The following KIF18B variants were observed in gnomAD, a reference collection of about 807,000 sequenced individuals.
KIF18B encodes the protein kinesin-like protein KIF18B.
Under a neutral mutation model 80.9 loss-of-function variants are expected in KIF18B, and 49 were observed. The observed-to-expected ratio is 0.61, with a 90% confidence interval of 0.48 to 0.77. The LOEUF is 0.77. Among genes scored for constraint, KIF18B ranks in the 30% least tolerant of loss-of-function variants. The probability of loss-of-function intolerance (pLI) is 0.00; values close to 1 mark genes in which losing one functional copy is unlikely to be tolerated. For synonymous variants in KIF18B, 439 were observed against 463.9 expected (o/e 0.95, Z 0.69); for missense variants, 994 against 1,127.7 (o/e 0.88, Z 1.70).
chr17:44,937,141 C>G (rs529760276), intron 1 of KIF18B, among the ~76,000 whole-genome samples: 5 of 151,506 alleles, frequency 3.3e-5, no homozygotes, highest in Non-Finnish European at 7.4e-5. Flanking sequence ...CTTCATTACT[C>G]TTTCTTTTCT....
At chr17:44,936,479 G>T in intron 1 of KIF18B, 121 bp from the exon 2 acceptor site, 1 of 749,186 alleles carries the variant, frequency 1.3e-6, no homozygotes. Flanking sequence ...TATGCCTCAA[G>T]AGAGTAAAAA....
chr17:44,944,804 T>A (rs968705597), intron 1 of KIF18B, among the ~76,000 whole-genome samples: 2 of 152,180 alleles, frequency 1.3e-5, no homozygotes, highest in Admixed American at 1.3e-4. Flanking sequence ...CTTGAGTCAG[T>A]TTTGGCAAGT....
At position 44,936,294 on chromosome 17, in the gene KIF18B, G is replaced by C. The variant is rs754270015; in HGVS notation, c.51C>G (p.Pro17=). The C allele has an allele frequency of 4.3e-6, 7 of 1,609,848 alleles. No homozygotes were observed. The highest frequency in any genetic ancestry group is 5.9e-6 in the Non-Finnish European group (7 of 1,178,924). The part of the protein sequence containing the change: ...TLQVVVRVRP[P]TPRELDSQRR... ...GCTGACTGTCCAGCTCCCGAGGGGT[G>C]GGGGGCCGCACCCGTACCACTACTT... is the stretch of plus-strand genomic sequence containing the variant. The change falls in exon 2 of 16, where the codon CCC becomes CCG. Residue 17 remains proline (P), a synonymous_variant. Transcript: ENST00000593135.
intron 2 of KIF18B, among the ~76,000 whole-genome samples, chr17:44,935,737 C>T (rs2052274265): frequency 1.3e-5 from 2 of 152,192 alleles, no homozygotes; most frequent in African/African-American, 4.8e-5. Context: ...TCCCCACACA[C>T]TGTGGGTGTG....
chr17:44,936,599 TA>T (rs1387226723), intron 1 of KIF18B, among the ~76,000 whole-genome samples: 1 of 35,794 alleles, frequency 2.8e-5, no homozygotes, highest in African/African-American at 1.0e-4. Context: ...TCTCTCTCTC[TA>T]TATATATATA....
rs561736429 is a variant in KIF18B, at chr17:44,926,949, A to G, written c.2366+40T>C. The G allele has an allele frequency of 2.6e-6, 4 of 1,543,800 alleles. No individual in the cohort carries two copies. In the East Asian group the frequency reaches 7.0e-5, roughly 27 times the overall value. ...GGTGTCTACTGCCCTGGTGAGAGCG[A>G]GCTCCTTCTCCCAGACAGCTGACAC... is the stretch of plus-strand genomic sequence containing the variant. On this transcript the variant is annotated intron_variant, in intron 14 of 15. Coordinates refer to ENST00000593135, the MANE Select transcript of KIF18B (RefSeq NM_001265577.2).
In KIF18B at chr17:44,936,290, G is replaced by A; in HGVS notation, c.55C>T (p.Pro19Ser). The change falls in exon 2 of 16, where the codon CCT becomes TCT. Residue 19 changes from proline to serine, a missense_variant. By Grantham distance (74) the Pro-to-Ser change is moderately conservative. Transcript: ENST00000593135. ...QVVVRVRPPT[P>S]RELDSQRRPV... ...CGCCGCTGACTGTCCAGCTCCCGAG[G>A]GGTGGGGGGCCGCACCCGTACCACT... The A allele has an allele frequency of 6.2e-7, 1 of 1,610,684 alleles. No homozygotes were observed. Among genetic ancestry groups the A allele is most frequent in the South Asian group, 1.1e-5 (1 of 90,402 alleles).
chr17:44,938,442 T>C (rs1023597763), intron 1 of KIF18B, among the ~76,000 whole-genome samples: 1 of 152,208 alleles, frequency 6.6e-6, no homozygotes, highest in Non-Finnish European at 1.5e-5. Flanking sequence ...ATAGTGAAGT[T>C]TTTAACACTT....
Position 44,928,098 on chromosome 17 carries a change from CTGGGCTT to C in KIF18B, c.2197_2203del (p.Lys733ValfsTer15). ...GTCCCAGCCAATGCATTCATGGAAA[CTGGGCTT>C]TGAGGGAGGCTCCTCAGAGAGATCA... On this transcript the variant is annotated frameshift_variant, in exon 13 of 16. Coordinates refer to ENST00000593135, the MANE Select transcript of KIF18B (RefSeq NM_001265577.2). LOFTEE classifies it high-confidence loss of function. 2 of 1,569,714 alleles carry C rather than the reference CTGGGCTT, an allele frequency of 1.3e-6. No homozygotes were observed. Among genetic ancestry groups the C allele is most frequent in the Non-Finnish European group, 1.7e-6 (2 of 1,160,054 alleles).
chr17:44,947,453 C>A (rs947860025), intron 1 of KIF18B, among the ~76,000 whole-genome samples, 175 bp downstream of exon 1: 22 of 152,224 alleles, frequency 1.4e-4, no homozygotes, highest in African/African-American at 5.3e-4. Context: ...TTAAAGGGGT[C>A]CATGCAGACA....
Position 44,928,726 on chromosome 17 carries a change from C to T in KIF18B, c.1723+93G>A, listed in dbSNP as rs746703063. On this transcript the variant is annotated intron_variant, in intron 12 of 15. Transcript: ENST00000593135. ...CCCAGCCTCCTACAGCAGCAAAACC[C>T]AGCAACTGAGGCCCCTGGACACCCC... 5.6e-6 allele frequency: 8 copies of T among 1,434,106 alleles called. No homozygotes were observed. The Admixed American group carries it at 1.8e-4, about 33-fold the overall frequency. The allele number at this position is 1,434,106 out of a possible 1,614,324, so 88.8% of individuals were successfully genotyped here. A position where few individuals can be genotyped will look rare whatever the true frequency, so the allele number is the denominator to read the frequency against.
chr17:44,926,439 C>A lies in KIF18B; in HGVS notation c.2427G>T (p.Arg809Ser). 6.3e-7 allele frequency: 1 copy of A among 1,583,018 alleles called. No homozygotes were observed. The highest frequency in any genetic ancestry group is 8.6e-7 in the Non-Finnish European group (1 of 1,164,832). Residue 809 changes from arginine (R) to serine (S), a missense_variant, in exon 15 of 16, where the codon AGG becomes AGT. Transcript: ENST00000593135. ...CTGGGAGTACAAGGGGCCCAGCTGG[C>A]CTCTTCAAAGTGCTGCTGGGGAGGC... The part of the protein sequence containing the change: ...IARLPSSTLK[R>S]PAGPLVLPEL...
In KIF18B at chr17:44,932,206, G is replaced by C. The variant is rs1391000543; in HGVS notation, c.1239C>G (p.His413Gln). The C allele has an allele frequency of 2.5e-6, 4 of 1,579,388 alleles. No individual in the cohort carries two copies. In the African/African-American group the frequency reaches 4.1e-5, roughly 16 times the overall value. Residue 413 changes from histidine (H) to glutamine (Q), a missense_variant and splice_region_variant, in exon 10 of 16, where the codon CAC (histidine) becomes CAG (glutamine). Physicochemically the swap from His to Gln is conservative, Grantham distance 24 (BLOSUM62 0). Transcript: ENST00000593135. ...GSPKSGPPPE[H>Q]QPCTPELPAG... ...CAGGGAGCTCTGGGGTGCAGGGCTG[G>C]CTGGGAGGGTGGGGTGGCAAGGGGG... is the stretch of plus-strand genomic sequence containing the variant.
chr17:44,933,847 G>T, intron 7 of KIF18B, 76 bp downstream of exon 7: 1 of 1,379,416 alleles, frequency 7.2e-7, no homozygotes, highest in Non-Finnish European at 9.8e-7. Context: ...ATCTATTGGA[G>T]CTGCCTGGGT....
At chr17:44,942,822 G>C (rs1401994114) in intron 1 of KIF18B, among the ~76,000 whole-genome samples, 1 of 152,242 alleles carries the variant, frequency 6.6e-6, no homozygotes, top group Non-Finnish European at 1.5e-5. Context: ...TATGCTAAGT[G>C]CTTTACAAAT....
Position 44,931,645 on chromosome 17 carries a change from C to G in KIF18B, c.1474G>C (p.Gly492Arg). The G allele has an allele frequency of 6.2e-7, 1 of 1,613,972 alleles. No homozygotes were observed. The highest frequency in any genetic ancestry group is 8.5e-7 in the Non-Finnish European group (1 of 1,179,894). ...RLTLQPKPVV[G>R]HFSARELDGD... ...TCCAGTTCCCGTGCTGAGAAGTGGC[C>G]CACGACTGGCTTGGGCTGCAGGGTC... The change falls in exon 11 of 16, where the codon GGC (glycine) becomes CGC (arginine). Residue 492 changes from glycine (G) to arginine (R), a missense_variant. Gly to Arg is a moderately radical substitution (Grantham distance 125). Coordinates refer to ENST00000593135, the MANE Select transcript of KIF18B (RefSeq NM_001265577.2).
At position 44,928,133 on chromosome 17, in the gene KIF18B, G is replaced by A; in HGVS notation, c.2169C>T (p.Thr723=). Residue 723 remains threonine (T), a synonymous_variant, in exon 13 of 16, where the codon ACC becomes ACT. Transcript: ENST00000593135. ...LALPTRDLNA[T]FDLSEEPPSK... ...AGGGAGGCTCCTCAGAGAGATCAAA[G>A]GTGGCATTGAGGTCTCGAGTGGGCA... 3.7e-6 allele frequency: 6 copies of A among 1,605,210 alleles called. No individual in the cohort carries two copies. In the South Asian group the frequency reaches 4.4e-5, roughly 12 times the overall value.
intron 11 of KIF18B, among the ~76,000 whole-genome samples, chr17:44,929,234 CGACCAGGATGGCCACG>C (rs2052097973): frequency 1.3e-5 from 2 of 152,236 alleles, no homozygotes; most frequent in South Asian, 4.1e-4. Context: ...AGGCCAAGGC[CGACCAGGATGGCCACG>C]GGTAATGGTG....
intron 1 of KIF18B, among the ~76,000 whole-genome samples, chr17:44,943,608 T>C (rs2052459808): frequency 1.3e-5 from 2 of 152,230 alleles, no homozygotes; most frequent in African/African-American, 4.8e-5. Context: ...TTTCACACTT[T>C]GTTGGTTTAA....
Sources: gnomAD v4.1 joint callset for allele counts (sites outside exome capture counted in the v4.1 genomes callset) on GRCh38, gnomAD v4.1.1 for gene constraint, MANE v1.5 for transcripts, NCBI Gene and HGNC (gene_info 2026-07-23, HGNC 2026-07-21) for gene names.